The following BCL11A variants were observed in gnomAD, a reference collection of about 807,000 sequenced individuals.
The protein encoded by BCL11A is BCL11 transcription factor A, also known as B cell CLL/lymphoma 11A.
Under a neutral mutation model 55.9 loss-of-function variants are expected in BCL11A, and 2 were observed. The observed-to-expected ratio is 0.04, with a 90% CI of 0.01 to 0.11. The LOEUF is 0.11. Ranked by LOEUF, BCL11A falls within the 10% of genes least tolerant of loss-of-function variation. BCL11A has a pLI of 1.00. For synonymous variants in BCL11A, 465 were observed against 473.4 expected (o/e 0.98, Z 0.23); for missense variants, 817 against 1,137.1 (o/e 0.72, Z 4.05).
intron 3 of BCL11A, among the ~76,000 whole-genome samples, chr2:60,467,216 C>CTGG (rs199538477): frequency 7.7e-5 from 3 of 38,936 alleles, no homozygotes; most frequent in Non-Finnish European, 1.0e-4. Context: ...GGTGATGGTA[C>CTGG]TGGTGATGGT....
chr2:60,529,319 GC>G (rs1363368218), intron 2 of BCL11A, among the ~76,000 whole-genome samples: 1 of 152,166 alleles, frequency 6.6e-6, no homozygotes, highest in Non-Finnish European at 1.5e-5. Flanking sequence ...ATGCTCAAAG[GC>G]CCTATGAGGC....
chr2:60,536,272 G>C (rs916248617), intron 2 of BCL11A: 1 of 152,116 alleles, frequency 6.6e-6, no homozygotes, highest in Non-Finnish European at 1.5e-5. Context: ...TCCTAGAGTT[G>C]ATCTTACCGG....
At chr2:60,543,126 T>C (rs1252288077) in intron 2 of BCL11A, 2 of 152,040 alleles carry the variant, frequency 1.3e-5, no homozygotes, top group Non-Finnish European at 2.9e-5. Context: ...CTCTGCCTTA[T>C]TCTCCTATCT....
chr2:60,497,736 CT>C (rs1679035106), intron 2 of BCL11A, among the ~76,000 whole-genome samples: 1 of 152,196 alleles, frequency 6.6e-6, no homozygotes, highest in Non-Finnish European at 1.5e-5. Flanking sequence ...CTACTCTTCT[CT>C]TTCTCTGAAC....
chr2:60,480,611 G>A (rs986911501), intron 2 of BCL11A, among the ~76,000 whole-genome samples: 14 of 152,144 alleles, frequency 9.2e-5, no homozygotes, highest in Non-Finnish European at 2.1e-4. Context: ...CTGGTCCATC[G>A]CTTCACTGTA....
chr2:60,509,558 C>G (rs1679862732), intron 2 of BCL11A, among the ~76,000 whole-genome samples: 1 of 152,178 alleles, frequency 6.6e-6, no homozygotes, highest in Admixed American at 6.5e-5. Context: ...TACCTGAGAC[C>G]TGAGAAAACA....
intron 2 of BCL11A, chr2:60,527,064 C>A (rs1377837991): frequency 6.6e-6 from 1 of 152,188 alleles, no homozygotes; most frequent in Admixed American, 6.5e-5. Context: ...TCTCACCATT[C>A]GATATTTATT....
downstream of BCL11A, chr2:60,452,561 G>A (rs775483177): frequency 1.2e-4 from 189 of 1,610,336 alleles, no homozygotes; most frequent in Non-Finnish European, 1.5e-4. Context: ...CACCCCTGGG[G>A]GCTTCAAATT....
intron 2 of BCL11A, among the ~76,000 whole-genome samples, chr2:60,477,408 C>T (rs1239339214): frequency 6.6e-6 from 1 of 152,058 alleles, no homozygotes; most frequent in East Asian, 1.9e-4. Flanking sequence ...TCATTTCGAT[C>T]GGTCTTGAGA....
rs747718633 is a variant in BCL11A at position 60,461,366 on chromosome 2, C to G, written c.1546G>C (p.Gly516Arg). The G allele has an allele frequency of 6.2e-7, 1 of 1,605,880 alleles. No homozygotes were observed. The highest frequency in any genetic ancestry group is 8.5e-7 in the Non-Finnish European group (1 of 1,179,250). The part of the protein sequence containing the change: ...TESERVDYGF[G>R]LSLEAARHHE... Reference sequence around the variant, plus strand: ...TGGCGCGCCGCCTCCAGGCTCAGCCCGAAGCCGTAGTCCACCCTCTCGCTC... The same window carrying G: ...TGGCGCGCCGCCTCCAGGCTCAGCCGGAAGCCGTAGTCCACCCTCTCGCTC... The change falls in exon 4 of 4, where the codon GGG becomes CGG. Residue 516 changes from glycine (G) to arginine (R), a missense_variant. Gly to Arg is a moderately radical substitution (Grantham distance 125). Around this residue, in one of 4 missense-constraint regions of BCL11A, gnomAD observed 379 missense variants for 425.3 expected, o/e 0.89. Coordinates refer to ENST00000642384, the MANE Select transcript of BCL11A (RefSeq NM_022893.4).
Position 60,461,014 on chromosome 2 carries a change from G to C in BCL11A, c.1898C>G (p.Ser633Cys). ...LGSPSSLSPF[S>C]KRIKLEKEFD... The stretch of plus-strand genomic sequence containing the variant: ...CTCCTTCTCGAGCTTGATGCGCTTA[G>C]AGAAGGGGCTCAGCGAGCTGGGGCT... Residue 633 changes from serine (S) to cysteine (C), a missense_variant, in exon 4 of 4, where the codon TCT becomes TGT. Coordinates refer to ENST00000642384, the MANE Select transcript of BCL11A (RefSeq NM_022893.4). 2 of 1,608,262 alleles carry C rather than the reference G, an allele frequency of 1.2e-6. No homozygotes were observed. Among genetic ancestry groups the C allele is most frequent in the Non-Finnish European group, 1.7e-6 (2 of 1,176,628 alleles).
chr2:60,537,991 C>G (rs1325774912), intron 2 of BCL11A: 2 of 152,150 alleles, frequency 1.3e-5, no homozygotes, highest in Non-Finnish European at 2.9e-5. Flanking sequence ...CAAACAAAAA[C>G]TCATTGTGAG....
intron 1 of BCL11A, among the ~76,000 whole-genome samples, chr2:60,548,273 T>A (rs1326518610): frequency 6.6e-6 from 1 of 151,394 alleles, no homozygotes; most frequent in African/African-American, 2.4e-5. Context: ...TTATCAAACT[T>A]ACTAGTACAT....
At position 60,468,751 on chromosome 2, in the gene BCL11A, T is replaced by G; in HGVS notation, c.468A>C (p.Glu156Asp). 2 of 1,613,034 alleles carry G rather than the reference T, an allele frequency of 1.2e-6. No individual in the cohort carries two copies. The change falls in exon 3 of 4, where the codon GAA (glutamate) becomes GAC (aspartate). Residue 156 changes from glutamate (E) to aspartate (D), a missense_variant. This residue lies in a region of BCL11A where 363 missense variants were observed against 486.6 expected (regional missense o/e 0.75). Coordinates refer to ENST00000642384, the MANE Select transcript of BCL11A (RefSeq NM_022893.4). ...ALIPTPGMSAEYAPQGICKDE... is the reference protein window; with the variant it reads ...ALIPTPGMSADYAPQGICKDE... ...ACTTACAAATACCCTGCGGGGCATA[T>G]TCTGCACTCATCCCAGGCGTGGGGA...
chr2:60,494,991 G>C (rs762997444), intron 2 of BCL11A, among the ~76,000 whole-genome samples: 48 of 152,188 alleles, frequency 3.2e-4, no homozygotes, highest in Non-Finnish European at 6.2e-4. Flanking sequence ...TGGATGGGTG[G>C]ACAGCCCGAC....
chr2:60,520,058 G>T (rs1479635371), intron 2 of BCL11A, among the ~76,000 whole-genome samples: 1 of 152,132 alleles, frequency 6.6e-6, no homozygotes, highest in Non-Finnish European at 1.5e-5. Flanking sequence ...GTGTATTTAT[G>T]CACAAATGTG....
At chr2:60,545,658 A>C in intron 2 of BCL11A, 1 of 323,852 alleles carries the variant, frequency 3.1e-6, no homozygotes, top group South Asian at 3.4e-5. Flanking sequence ...TAGGTGTAGT[A>C]AAGCTCAATA....
chr2:60,454,869 T>C (rs543387953), downstream of BCL11A, among the ~76,000 whole-genome samples: 28 of 152,366 alleles, frequency 1.8e-4, no homozygotes, highest in African/African-American at 6.5e-4. Context: ...ATGTACTTAT[T>C]GCATATACAA....
At chr2:60,552,488 A>C in intron 1 of BCL11A, among the ~76,000 whole-genome samples, 1 of 152,056 alleles carries the variant, frequency 6.6e-6, no homozygotes, top group East Asian at 1.9e-4. Flanking sequence ...GCAGCGGGAC[A>C]AACACCCACC....
Sources: gnomAD v4.1 joint callset for allele counts (sites outside exome capture counted in the v4.1 genomes callset) on GRCh38, gnomAD v4.1.1 for gene constraint, gnomAD v4.1.1 regional missense constraint, MANE v1.5 for transcripts, NCBI Gene and HGNC (gene_info 2026-07-23, HGNC 2026-07-21) for gene names.